CSMD1: variants seen among roughly 807,000 people sequenced by gnomAD.
The protein encoded by CSMD1 is CUB and sushi domain-containing protein 1.
In CSMD1, 213 loss-of-function variants were observed where a neutral mutation model predicts 417.5. That is an observed-to-expected ratio of 0.51 (90% confidence interval 0.46 to 0.57). The LOEUF (loss-of-function observed/expected upper bound fraction) is 0.57. CSMD1 is among the 20% of genes least tolerant of loss of function. The pLI, the probability that CSMD1 is intolerant of heterozygous loss-of-function variation, is 0.00. For synonymous variants in CSMD1, 2,862 were observed against 1,736.8 expected (o/e 1.65, Z -16.11); for missense variants, 6,923 against 4,529.7 (o/e 1.53, Z -15.17).
intron 37 of CSMD1, among the ~76,000 whole-genome samples, chr8:3,171,863 T>C (rs11989434): frequency 1.3e-5 from 2 of 152,220 alleles, no homozygotes; most frequent in Non-Finnish European, 1.5e-5. Flanking sequence ...GCTCAGATAG[T>C]GCCAGTTTAA....
At chr8:4,089,628 T>A (rs1585290653) in intron 3 of CSMD1, among the ~76,000 whole-genome samples, 1 of 152,344 alleles carries the variant, frequency 6.6e-6, no homozygotes, top group East Asian at 1.9e-4. Flanking sequence ...TGTGCACTAT[T>A]CTAAGGAATA....
chr8:4,987,969 C>T (rs75915699), intron 1 of CSMD1, among the ~76,000 whole-genome samples: 2,338 of 152,288 alleles, frequency 0.015, 56 homozygotes, highest in African/African-American at 0.052. Context: ...CTTCCTTGCT[C>T]CACAGCTTGC....
At chr8:4,424,913 A>C (rs1302777952) in intron 2 of CSMD1, among the ~76,000 whole-genome samples, 1 of 152,118 alleles carries the variant, frequency 6.6e-6, no homozygotes, top group Non-Finnish European at 1.5e-5. Context: ...CACATTAAAT[A>C]ATTAAATACA....
intron 3 of CSMD1, among the ~76,000 whole-genome samples, chr8:4,372,120 G>A (rs532647398): frequency 5.7e-4 from 87 of 152,320 alleles, no homozygotes; most frequent in African/African-American, 2.0e-3. Flanking sequence ...TCCATTTACT[G>A]AATATTAGCA....
intron 10 of CSMD1, among the ~76,000 whole-genome samples, chr8:3,538,655 C>G (rs1798308656): frequency 6.6e-6 from 1 of 152,224 alleles, no homozygotes; most frequent in Non-Finnish European, 1.5e-5. Context: ...CTTTTTGTTG[C>G]CAGACTGGCC....
At chr8:3,210,029 G>A (rs1049463800) in intron 30 of CSMD1, among the ~76,000 whole-genome samples, 2 of 152,084 alleles carry the variant, frequency 1.3e-5, no homozygotes, top group Admixed American at 6.5e-5. Flanking sequence ...GAATAACCAG[G>A]AAAAACATTA....
chr8:4,319,391 G>C (rs1345095576), intron 3 of CSMD1, among the ~76,000 whole-genome samples: 4 of 151,828 alleles, frequency 2.6e-5, no homozygotes, highest in Admixed American at 6.6e-5. Flanking sequence ...GAGCCTCTGG[G>C]GCCCATAATC....
intron 1 of CSMD1, among the ~76,000 whole-genome samples, chr8:4,976,265 G>A (rs184963958): frequency 5.9e-5 from 9 of 152,248 alleles, no homozygotes; most frequent in East Asian, 3.9e-4. Context: ...ATACACCTGC[G>A]TAACAAGTAA....
intron 69 of CSMD1, among the ~76,000 whole-genome samples, chr8:2,939,043 C>T (rs1801685060): frequency 6.6e-6 from 1 of 152,226 alleles, no homozygotes. Flanking sequence ...CCACTCATTT[C>T]AGCCTTGACC....
chr8:4,129,221 T>A (rs1033225895), intron 3 of CSMD1, among the ~76,000 whole-genome samples: 1 of 152,208 alleles, frequency 6.6e-6, no homozygotes. Flanking sequence ...TTCAGCAGAT[T>A]CCTATCAATT....
intron 10 of CSMD1, among the ~76,000 whole-genome samples, chr8:3,571,528 G>T (rs1030938216): frequency 2.0e-5 from 3 of 152,032 alleles, no homozygotes; most frequent in Admixed American, 1.3e-4. Flanking sequence ...CACCTGCCTC[G>T]AGTTTGACTC....
chr8:3,372,897 C>T lies in CSMD1; in HGVS notation c.2783-3527G>A, dbSNP rs913058543. 3.3e-5 allele frequency among the ~76,000 whole-genome samples: 5 copies of T among 152,208 alleles called. No homozygotes were observed. The East Asian group carries it at 7.8e-4, about 24-fold the overall frequency. On this transcript the variant is annotated intron_variant, in intron 18 of 69. Transcript: ENST00000635120. ...AGAGGGAACTAATGCCAGCGCACCGCGTAGTGGGAAGAAAACCAGCAGAGG... is the reference window on the plus strand; with the variant it reads ...AGAGGGAACTAATGCCAGCGCACCGTGTAGTGGGAAGAAAACCAGCAGAGG...
intron 2 of CSMD1, among the ~76,000 whole-genome samples, chr8:4,423,739 A>C (rs958713914): frequency 5.3e-5 from 8 of 151,898 alleles, no homozygotes; most frequent in Non-Finnish European, 7.4e-5. Context: ...AACAAACAAA[A>C]AAAAATAGAA....
At chr8:3,701,820 C>A (rs944167756) in intron 7 of CSMD1, among the ~76,000 whole-genome samples, 1 of 152,144 alleles carries the variant, frequency 6.6e-6, no homozygotes, top group Admixed American at 6.5e-5. Flanking sequence ...TTAAAATCTG[C>A]CCTTCCAAAT....
intron 7 of CSMD1, among the ~76,000 whole-genome samples, chr8:3,693,762 T>C (rs1800383769): frequency 6.6e-6 from 1 of 151,896 alleles, no homozygotes; most frequent in African/African-American, 2.4e-5. Flanking sequence ...TGTATGTGTG[T>C]TTTGTGTGTA....
intron 5 of CSMD1, among the ~76,000 whole-genome samples, chr8:3,956,516 G>A (rs1252208004): frequency 2.6e-5 from 4 of 152,148 alleles, no homozygotes; most frequent in Non-Finnish European, 5.9e-5. Flanking sequence ...AAGAGGACAG[G>A]TGGAAACTCA....
intron 26 of CSMD1, among the ~76,000 whole-genome samples, chr8:3,251,057 CTTTAG>C (rs895828541): frequency 3.3e-5 from 5 of 152,124 alleles, no homozygotes; most frequent in Admixed American, 2.6e-4. Flanking sequence ...TGCAGAAGCT[CTTTAG>C]TTTAATTAGA....
chr8:3,839,776 T>C (rs1802996842), intron 5 of CSMD1, among the ~76,000 whole-genome samples: 1 of 151,556 alleles, frequency 6.6e-6, no homozygotes. Flanking sequence ...AGAGAGTTTA[T>C]ATTTGTTCCC....
At chr8:4,026,242 T>A (rs1797058790) in intron 4 of CSMD1, among the ~76,000 whole-genome samples, 1 of 152,232 alleles carries the variant, frequency 6.6e-6, no homozygotes. Context: ...ATCATTCAAA[T>A]ATGTTTTATA....
Sources: gnomAD v4.1 joint callset for allele counts (sites outside exome capture counted in the v4.1 genomes callset) on GRCh38, gnomAD v4.1.1 for gene constraint, MANE v1.5 for transcripts, NCBI Gene and HGNC (gene_info 2026-07-23, HGNC 2026-07-21) for gene names.